The following NAE1 variants were observed in gnomAD, a reference collection of about 807,000 sequenced individuals.
The protein encoded by NAE1 is NEDD8 activating enzyme E1 subunit 1, also known as NEDD8-activating enzyme E1 regulatory subunit.
NAE1 carries 59 observed loss-of-function variants against 88.0 expected under a neutral mutation model. The ratio of observed to expected loss-of-function variants is 0.67; its 90% confidence interval spans 0.54 to 0.83. NAE1 has a LOEUF of 0.83. NAE1 is among the 40% of genes least tolerant of loss of function. The pLI is 0.00. For missense variants in NAE1, 554 were observed against 632.8 expected (o/e 0.88, Z 1.34); for synonymous variants, 186 against 208.9 (o/e 0.89, Z 0.95).
In NAE1 at chr16:66,811,219, G is replaced by A. The variant is rs117712049; in HGVS notation, c.1035-447C>T. ...GCCACCCAGGCTGGAGTACAGTGGC[G>A]CAGTCCTGGCTCACTGCAGCCTCAA... On this transcript the variant is annotated intron_variant, in intron 13 of 19. Coordinates refer to ENST00000290810, the MANE Select transcript of NAE1 (RefSeq NM_003905.4). Among the ~76,000 whole-genome samples the A allele has an allele frequency of 5.9e-5, 9 of 152,240 alleles. No homozygotes were observed. In the East Asian group the frequency reaches 1.4e-3, roughly 23 times the overall value.
intron 19 of NAE1, among the ~76,000 whole-genome samples, chr16:66,805,084 G>A (rs1234444034): frequency 6.6e-6 from 1 of 152,118 alleles, no homozygotes; most frequent in African/African-American, 2.4e-5. Context: ...GAACATATAG[G>A]TTTTGGACAT....
chr16:66,817,313 C>T (rs760258302), intron 9 of NAE1, 112 bp downstream of exon 9: 1 of 932,798 alleles, frequency 1.1e-6, no homozygotes, highest in Non-Finnish European at 1.7e-6. Flanking sequence ...TTTGCCCTAC[C>T]ATACAACTCC....
chr16:66,807,572 G>A (rs558802666), intron 17 of NAE1, among the ~76,000 whole-genome samples: 14 of 152,086 alleles, frequency 9.2e-5, no homozygotes, highest in Non-Finnish European at 1.3e-4. Flanking sequence ...CCCAGGAGGC[G>A]GAGGTTGCAG....
intron 14 of NAE1, 117 bp from the exon 15 acceptor site, chr16:66,810,530 CT>C: frequency 2.6e-6 from 3 of 1,132,958 alleles, no homozygotes; most frequent in Non-Finnish European, 3.9e-6. Flanking sequence ...TGGGAGAGCA[CT>C]TTAAAAATAT....
rs775774815 is a variant in NAE1 at position 66,809,009 on chromosome 16, G to A, written c.1217C>T (p.Thr406Ile). The A allele has an allele frequency of 1.2e-6, 2 of 1,609,042 alleles. No homozygotes were observed. Among genetic ancestry groups the A allele is most frequent in the Non-Finnish European group, 1.7e-6 (2 of 1,176,734 alleles). The change falls in exon 16 of 20, where the codon ACA becomes ATA. Residue 406 changes from threonine to isoleucine, a missense_variant. By Grantham distance (89) the Thr-to-Ile change is moderately conservative. Coordinates refer to ENST00000290810, the MANE Select transcript of NAE1 (RefSeq NM_003905.4). ...CTTACTAATTTCATCCTTGTTAATT[G>A]TATCCAAACCATATTCTTCAGCTAA... ...RSLAEEYGLD[T>I]INKDEIISSM...
intron 1 of NAE1, 60 bp downstream of exon 1, chr16:66,830,787 C>T: frequency 6.8e-7 from 1 of 1,475,040 alleles, no homozygotes; most frequent in Non-Finnish European, 9.0e-7. Flanking sequence ...CGCCCTTAGG[C>T]CCGGCCCGAA....
chr16:66,823,094 A>G (rs1300736270), intron 6 of NAE1, 133 bp downstream of exon 6: 4 of 471,898 alleles, frequency 8.5e-6, no homozygotes, highest in Non-Finnish European at 1.4e-5. Context: ...AAAAAAAAAA[A>G]AAAGTTTCAT....
In NAE1 at chr16:66,808,994, T is replaced by C; in HGVS notation, c.1232A>G (p.Glu411Gly). Reference protein sequence around the residue: ...EYGLDTINKDEIISSMDNPDN... With the variant: ...EYGLDTINKDGIISSMDNPDN... ...CAGAAGGCTATTATACTTACTAATT[T>C]CATCCTTGTTAATTGTATCCAAACC... Residue 411 changes from glutamate (E) to glycine (G), a missense_variant, in exon 16 of 20, where the codon GAA becomes GGA. Transcript: ENST00000290810. 1 of 1,599,924 alleles carries C rather than the reference T, an allele frequency of 6.3e-7. No homozygotes were observed. Among genetic ancestry groups the C allele is most frequent in the Non-Finnish European group, 8.6e-7 (1 of 1,169,470 alleles).
chr16:66,810,865 A>C, intron 13 of NAE1, 93 bp from the exon 14 acceptor site: 1 of 1,080,452 alleles, frequency 9.3e-7, no homozygotes, highest in Non-Finnish European at 1.4e-6. Flanking sequence ...CCTTTTCATG[A>C]AAAAACACAG....
chr16:66,818,344 AG>A (rs1228237055), intron 8 of NAE1, among the ~76,000 whole-genome samples, 183 bp downstream of exon 8: 1 of 152,208 alleles, frequency 6.6e-6, no homozygotes, highest in Non-Finnish European at 1.5e-5. Flanking sequence ...TCAGTAAAAA[AG>A]TTTTTTAATT....
intron 9 of NAE1, 158 bp downstream of exon 9, chr16:66,817,267 A>G: frequency 1.2e-6 from 1 of 868,092 alleles, no homozygotes; most frequent in African/African-American, 1.7e-5. Flanking sequence ...TCAGGATCAA[A>G]AGAGGAACTG....
intron 16 of NAE1, 59 bp downstream of exon 16, chr16:66,808,928 AAT>A: frequency 4.3e-6 from 5 of 1,171,124 alleles, no homozygotes; most frequent in Non-Finnish European, 6.0e-6. Context: ...TTATACACAA[AAT>A]ATTTATATCT....
intron 3 of NAE1, chr16:66,826,292 C>T (rs1960460731): frequency 3.8e-6 from 2 of 525,992 alleles, no homozygotes; most frequent in South Asian, 4.6e-5. Context: ...ATAACGACTA[C>T]TCCTTTGTAT....
intron 15 of NAE1, 47 bp from the exon 16 acceptor site, chr16:66,809,122 A>G (rs768720709): frequency 5.0e-6 from 7 of 1,403,824 alleles, no homozygotes; most frequent in Admixed American, 1.8e-5. Flanking sequence ...TGACTGGTGA[A>G]TATTATGAAT....
Position 66,820,855 on chromosome 16 carries a change from C to T in NAE1, c.511+595G>A, listed in dbSNP as rs150810335. Among the ~76,000 whole-genome samples, 1,019 of 143,858 alleles carry T rather than the reference C, an allele frequency of 7.1e-3. 5 individuals carry two copies. The highest frequency in any genetic ancestry group is 0.011 in the Middle Eastern group (3 of 272). The allele number at this position is 143,858 out of a possible 152,430, so 94.4% of individuals were successfully genotyped here. A position where few individuals can be genotyped will look rare whatever the true frequency, so the allele number is the denominator to read the frequency against. ...GGTGGAGGTAGCAGTGAGCCAAGAT[C>T]GCGCCACTGCAGTCCAGCCTGAGCA... On this transcript the variant is annotated intron_variant, in intron 7 of 19. Coordinates refer to ENST00000290810, the MANE Select transcript of NAE1 (RefSeq NM_003905.4).
intron 15 of NAE1, 65 bp from the exon 16 acceptor site, chr16:66,809,140 G>A: frequency 7.9e-7 from 1 of 1,266,806 alleles, no homozygotes; most frequent in South Asian, 1.3e-5. Context: ...AATCACAGGT[G>A]ACTTTAAGAA....
At chr16:66,820,476 G>A (rs1960205310) in intron 7 of NAE1, among the ~76,000 whole-genome samples, 1 of 152,192 alleles carries the variant, frequency 6.6e-6, no homozygotes, top group Non-Finnish European at 1.5e-5. Context: ...AGATTGGACG[G>A]ACCTGGTGCA....
At chr16:66,823,506 T>C in intron 5 of NAE1, 23 bp downstream of exon 5, 2 of 1,580,412 alleles carry the variant, frequency 1.3e-6, no homozygotes, top group Non-Finnish European at 1.7e-6. Context: ...AGCACAGACA[T>C]AATAATGTGT....
In NAE1 at chr16:66,823,315, G is replaced by T. The variant is rs746235988; in HGVS notation, c.322-9C>A. 1.9e-6 allele frequency: 3 copies of T among 1,573,924 alleles called. No individual in the cohort carries two copies. The highest frequency in any genetic ancestry group is 2.6e-6 in the Non-Finnish European group (3 of 1,163,496). On this transcript the variant is annotated splice_polypyrimidine_tract_variant and intron_variant, in intron 5 of 19. Transcript: ENST00000290810. ...AGAAGGTTTTCTGGACTCTAAACAG[G>T]ACAGCAAAGAAAAAAACAAACAAAA...
Sources: allele counts gnomAD v4.1 joint callset (sites outside exome capture counted in the v4.1 genomes callset), GRCh38; gene constraint gnomAD v4.1.1; transcripts MANE v1.5; gene names NCBI Gene and HGNC (gene_info 2026-07-23, HGNC 2026-07-21).